The following ZBTB7A variants were observed in gnomAD, a reference collection of about 807,000 sequenced individuals.
ZBTB7A encodes the protein zinc finger and BTB domain-containing protein 7A.
ZBTB7A carries 7 observed loss-of-function variants against 26.7 expected under a neutral mutation model. The ratio of observed to expected loss-of-function variants is 0.26; its 90% CI spans 0.15 to 0.49. The LOEUF is 0.49. Ranked by LOEUF, ZBTB7A falls within the 20% of genes least tolerant of loss-of-function variation. ZBTB7A has a pLI of 0.98. For synonymous variants in ZBTB7A, 452 were observed against 441.0 expected, an observed-to-expected ratio of 1.02 and a Z score of -0.31; for missense variants, 617 against 919.5, an observed-to-expected ratio of 0.67 and a Z score of 4.25.
At chr19:4,059,936 C>T (rs1460560321) in intron 1 of ZBTB7A, among the ~76,000 whole-genome samples, 1 of 152,214 alleles carries the variant, frequency 6.6e-6, no homozygotes, top group African/African-American at 2.4e-5. Flanking sequence ...ACACACGGTA[C>T]ACGCCTCCGG....
At chr19:4,062,501 G>A (rs1041927753) in intron 1 of ZBTB7A, among the ~76,000 whole-genome samples, 11 of 152,246 alleles carry the variant, frequency 7.2e-5, no homozygotes, top group Admixed American at 3.3e-4. Flanking sequence ...CGGGATCAGA[G>A]AGGGGGAGCA....
In ZBTB7A at chr19:4,047,676, G is replaced by A; in HGVS notation, c.*76C>T. 2 of 1,489,120 alleles carry A rather than the reference G, an allele frequency of 1.3e-6. No individual in the cohort carries two copies. The highest frequency in any genetic ancestry group is 2.6e-5 in the South Asian group (2 of 77,884). 92.2% of individuals were successfully genotyped at this position (1,489,120 alleles called of 1,614,324 possible). A position where few individuals can be genotyped will look rare whatever the true frequency, so the allele number is the denominator to read the frequency against. ...ATAGATTTTCTTTTTTTGTGTTTTT[G>A]GGGGGGTGGTGGGTGATTTTTTTTC... On this transcript the variant is annotated 3_prime_UTR_variant, in exon 3 of 3. Transcript: ENST00000322357.
At chr19:4,049,168 G>GTATATATATATATA (rs1181215162) in intron 2 of ZBTB7A, among the ~76,000 whole-genome samples, 29 of 14,946 alleles carry the variant, frequency 1.9e-3, no homozygotes, top group African/African-American at 3.1e-3. Context: ...GTGTGTGTGT[G>GTATATATATATATA]TATATATATA....
At chr19:4,055,290 C>CG in intron 1 of ZBTB7A, 43 bp from the exon 2 acceptor site, 3 of 1,434,870 alleles carry the variant, frequency 2.1e-6, no homozygotes, top group East Asian at 2.5e-5. Flanking sequence ...AGTGGGGGTG[C>CG]GGGGGTTCCT....
rs1302106389 is a variant in ZBTB7A, at chr19:4,047,878, C to A, written c.1629G>T (p.Glu543Asp). Residue 543 changes from glutamate (E) to aspartate (D), a missense_variant, in exon 3 of 3, where the codon GAG becomes GAT. This residue lies in a region of ZBTB7A where 136 missense variants were observed against 126.6 expected (regional missense o/e 1.07). Coordinates refer to ENST00000322357, the MANE Select transcript of ZBTB7A (RefSeq NM_015898.4). ...CGTCGGGGCTGGCCACGTCCTCGTC[C>A]TCGTCCTCGTCCTTAAAGTGCTTCT... ...GQEKHFKDED[E>D]DEDVASPDGL... The A allele has an allele frequency of 1.3e-6, 2 of 1,598,512 alleles. No individual in the cohort carries two copies. Among genetic ancestry groups the A allele is most frequent in the Admixed American group, 3.4e-5 (2 of 58,420 alleles).
intron 1 of ZBTB7A, among the ~76,000 whole-genome samples, chr19:4,064,706 T>TG (rs1310205142): frequency 5.3e-5 from 8 of 151,080 alleles, no homozygotes; most frequent in East Asian, 3.9e-4. Context: ...GGCAGGGAGG[T>TG]GGGGGGGCCC....
At chr19:4,061,960 C>A (rs1401185538) in intron 1 of ZBTB7A, 2 of 152,322 alleles carry the variant, frequency 1.3e-5, no homozygotes, top group African/African-American at 4.8e-5. Context: ...GTCCACCCTG[C>A]CATCAGCCCA....
rs1028555177 is a variant in ZBTB7A, at chr19:4,046,606, CCT to C, written c.*1144_*1145del. On this transcript the variant is annotated 3_prime_UTR_variant, in exon 3 of 3. Transcript: ENST00000322357. ...TTTTCCTTCCTTTCATTTTGTAAAACCTTTTTTTTTTCTAGTTTGTTTTATTG... is the reference window on the plus strand; with the variant it reads ...TTTTCCTTCCTTTCATTTTGTAAAACTTTTTTTTTCTAGTTTGTTTTATTG... 2.0e-5 allele frequency: 3 copies of C among 148,440 alleles called. No individual in the cohort carries two copies. Among genetic ancestry groups the C allele is most frequent in the Admixed American group, 1.3e-4 (2 of 14,898 alleles). 9.2% of individuals were successfully genotyped at this position (148,440 alleles called of 1,614,324 possible).
chr19:4,054,477 G>A lies in ZBTB7A; in HGVS notation c.756C>T (p.Pro252=), dbSNP rs1413780305. 1.5e-6 allele frequency: 2 copies of A among 1,375,010 alleles called. No individual in the cohort carries two copies. Among genetic ancestry groups the A allele is most frequent in the East Asian group, 3.0e-5 (1 of 33,330 alleles). The allele number at this position is 1,375,010 out of a possible 1,614,324, so 85.2% of individuals were successfully genotyped here. The change falls in exon 2 of 3, where the codon CCC becomes CCT. Residue 252 remains proline, a synonymous_variant. Transcript: ENST00000322357. The part of the protein sequence containing the change: ...GLWPERDEDA[P]TGGLFPPPVA... The stretch of plus-strand genomic sequence containing the variant: ...CCGGCGGCGGAAAGAGACCCCCGGT[G>A]GGGGCGTCCTCATCCCGCTCTGGCC...
intron 1 of ZBTB7A, among the ~76,000 whole-genome samples, chr19:4,063,504 C>T (rs2040660574): frequency 6.6e-6 from 1 of 152,192 alleles, no homozygotes; most frequent in South Asian, 2.1e-4. Flanking sequence ...CCAGGGCCTG[C>T]CCGGTGAGGC....
chr19:4,053,518 TGC>T (rs1468543312), intron 2 of ZBTB7A, among the ~76,000 whole-genome samples: 5 of 149,758 alleles, frequency 3.3e-5, no homozygotes, highest in Admixed American at 2.0e-4. Flanking sequence ...CGTGTGTGCG[TGC>T]GTGCGTGCGT....
At chr19:4,049,211 T>TATATACATATATATATA (rs1265213875) in intron 2 of ZBTB7A, among the ~76,000 whole-genome samples, 1 of 43,168 alleles carries the variant, frequency 2.3e-5, no homozygotes, top group Non-Finnish European at 5.6e-5. Flanking sequence ...TATATATATG[T>TATATACATATATATATA]AAGTTTGAGA....
Position 4,047,656 on chromosome 19 carries a change from T to C in ZBTB7A, c.*96A>G. 7.8e-7 allele frequency: 1 copy of C among 1,289,520 alleles called. No homozygotes were observed. Among genetic ancestry groups the C allele is most frequent in the South Asian group, 1.4e-5 (1 of 70,600 alleles). The allele number at this position is 1,289,520 out of a possible 1,614,324, so 79.9% of individuals were successfully genotyped here. ...ATATAGATATCTGTATATAGATAGATTTTCTTTTTTTGTGTTTTTGGGGGG... is the reference window on the plus strand; with the variant it reads ...ATATAGATATCTGTATATAGATAGACTTTCTTTTTTTGTGTTTTTGGGGGG... On this transcript the variant is annotated 3_prime_UTR_variant, in exon 3 of 3. Transcript: ENST00000322357.
In ZBTB7A at chr19:4,047,747, G is replaced by C. The variant is rs778658089; in HGVS notation, c.*5C>G. On this transcript the variant is annotated 3_prime_UTR_variant, in exon 3 of 3. Coordinates refer to ENST00000322357, the MANE Select transcript of ZBTB7A (RefSeq NM_015898.4). Reference sequence around the variant, plus strand: ...TCTCGGGTTTCTGTTTTCTCTTTTTGGTTTTTAGGCGAGTCCGGCTGTGAA... The same window carrying C: ...TCTCGGGTTTCTGTTTTCTCTTTTTCGTTTTTAGGCGAGTCCGGCTGTGAA... 4.4e-6 allele frequency: 7 copies of C among 1,587,066 alleles called. No homozygotes were observed. The highest frequency in any genetic ancestry group is 5.1e-6 in the Non-Finnish European group (6 of 1,168,666).
At chr19:4,056,209 C>A (rs67602344) in intron 1 of ZBTB7A, among the ~76,000 whole-genome samples, 35,084 of 151,750 alleles carry the variant, frequency 0.23, 4,754 homozygotes, top group African/African-American at 0.38. Flanking sequence ...GGGCGGCCAG[C>A]TGTCCTGCCC....
At chr19:4,062,128 AATCCGGCCAG>A (rs1392179897) in intron 1 of ZBTB7A, 1 of 152,220 alleles carries the variant, frequency 6.6e-6, no homozygotes, top group Non-Finnish European at 1.5e-5. Flanking sequence ...CGGCCTGCAG[AATCCGGCCAG>A]ATCCTTCTCT....
chr19:4,063,261 C>A (rs139284119), intron 1 of ZBTB7A, among the ~76,000 whole-genome samples: 7 of 152,308 alleles, frequency 4.6e-5, no homozygotes, highest in Non-Finnish European at 1.0e-4. Flanking sequence ...ACAGCGCGCC[C>A]CGGCTGCAGG....
intron 1 of ZBTB7A, among the ~76,000 whole-genome samples, chr19:4,057,216 C>T (rs1048962187): frequency 3.3e-5 from 5 of 151,168 alleles, no homozygotes; most frequent in East Asian, 2.0e-4. Context: ...GGTGTGGTGG[C>T]GCGTGCCTGT....
rs747204568 is a variant in ZBTB7A at position 4,048,208 on chromosome 19, C to T, written c.1299G>A (p.Thr433=). 3 of 1,598,380 alleles carry T rather than the reference C, an allele frequency of 1.9e-6. No homozygotes were observed. Among genetic ancestry groups the T allele is most frequent in the Non-Finnish European group, 1.7e-6 (2 of 1,176,086 alleles). ...DKLKVHMRKH[T]GEKPYLCQQC... Reference sequence around the variant, plus strand: ...GCTGGCACAGGTACGGCTTCTCGCCCGTGTGCTTCCGCATGTGCACCTTCA... The same window carrying T: ...GCTGGCACAGGTACGGCTTCTCGCCTGTGTGCTTCCGCATGTGCACCTTCA... The change falls in exon 3 of 3, where the codon ACG becomes ACA. Residue 433 remains threonine (T), a synonymous_variant. Coordinates refer to ENST00000322357, the MANE Select transcript of ZBTB7A (RefSeq NM_015898.4). The surrounding 1 kb of genome is among the most constrained non-coding windows in gnomAD (Gnocchi z 6.7).
Sources: allele counts gnomAD v4.1 joint callset (sites outside exome capture counted in the v4.1 genomes callset), GRCh38; gene constraint gnomAD v4.1.1; regional missense constraint gnomAD v4.1.1; non-coding constraint Gnocchi (gnomAD v3.1); transcripts MANE v1.5; gene names NCBI Gene and HGNC (gene_info 2026-07-23, HGNC 2026-07-21).